DAB1: variants seen among roughly 807,000 people sequenced by gnomAD.
DAB1 encodes DAB adaptor protein 1.
Under a neutral mutation model 64.6 loss-of-function variants are expected in DAB1, and 15 were observed. The ratio of observed to expected loss-of-function variants is 0.23; its 90% CI spans 0.16 to 0.36. DAB1 has a LOEUF of 0.36. DAB1 is among the 10% of genes least tolerant of loss of function. The probability of loss-of-function intolerance (pLI) is 1.00; values close to 1 mark genes in which losing one functional copy is unlikely to be tolerated. For synonymous variants in DAB1, 235 were observed against 251.9 expected (o/e 0.93, Z 0.64); for missense variants, 596 against 706.7 (o/e 0.84, Z 1.78).
chr1:57,779,872 G>C (rs933718072), intron 6 of DAB1, among the ~76,000 whole-genome samples: 1 of 152,102 alleles, frequency 6.6e-6, no homozygotes, highest in African/African-American at 2.4e-5. Context: ...TGGATACTAG[G>C]CTGTGTGCCA....
At chr1:57,012,862 C>G (rs1646307091) in intron 12 of DAB1, among the ~76,000 whole-genome samples, 1 of 152,218 alleles carries the variant, frequency 6.6e-6, no homozygotes, top group East Asian at 1.9e-4. Flanking sequence ...AGGTATACTG[C>G]TCAGACTTAC....
intron 5 of DAB1, among the ~76,000 whole-genome samples, chr1:57,941,006 C>T (rs1645096516): frequency 6.6e-6 from 1 of 152,166 alleles, no homozygotes; most frequent in Admixed American, 6.5e-5. Context: ...CAGTGAGCAT[C>T]TGATTATAGT....
chr1:57,502,403 G>A (rs1473762606), intron 7 of DAB1, among the ~76,000 whole-genome samples: 1 of 151,110 alleles, frequency 6.6e-6, no homozygotes, highest in Non-Finnish European at 1.5e-5. Flanking sequence ...CTTGGCAAAA[G>A]AGTTGAAGCA....
chr1:57,095,153 G>A (rs184407175), intron 4 of DAB1, among the ~76,000 whole-genome samples: 30 of 152,230 alleles, frequency 2.0e-4, no homozygotes, highest in Non-Finnish European at 2.5e-4. Context: ...TGAGTTTACC[G>A]TAGCACAGCA....
chr1:58,155,818 A>G (rs943140855), intron 4 of DAB1, among the ~76,000 whole-genome samples: 2 of 152,238 alleles, frequency 1.3e-5, no homozygotes, highest in African/African-American at 4.8e-5. Context: ...CACGTATTCA[A>G]TAAATGACTT....
chr1:58,449,952 T>C (rs706450), intron 3 of DAB1, among the ~76,000 whole-genome samples: 17,827 of 152,250 alleles, frequency 0.12, 1,676 homozygotes, highest in African/African-American at 0.26. Context: ...GGGGTATTCA[T>C]TGACATATGT....
At chr1:57,852,957 C>A (rs1199325656) in intron 1 of DAB1, among the ~76,000 whole-genome samples, 1 of 152,060 alleles carries the variant, frequency 6.6e-6, no homozygotes, top group African/African-American at 2.4e-5. Flanking sequence ...TGAGTGAATT[C>A]TAATATTTTC....
chr1:58,029,205 T>A (rs1444678411), intron 5 of DAB1, among the ~76,000 whole-genome samples: 1 of 152,164 alleles, frequency 6.6e-6, no homozygotes, highest in Non-Finnish European at 1.5e-5. Flanking sequence ...GTAGCCCTTA[T>A]CCCAGCAAGC....
rs1258370986 is a variant in DAB1 at position 58,334,594 on chromosome 1, A to C, written n.309+8758T>G. On this transcript the variant is annotated intron_variant and non_coding_transcript_variant, in intron 4 of 20. Coordinates refer to the DAB1 transcript ENST00000485760. ...AGAGCCTTTGAGCTATTTATCTTAT[A>C]TTATATTACATTATATTATATTATA... Among the ~76,000 whole-genome samples the C allele has an allele frequency of 5.6e-5, 7 of 123,918 alleles. No homozygotes were observed. The East Asian group carries it at 7.1e-4, about 13-fold the overall frequency. The allele number at this position is 123,918 out of a possible 152,430, so 81.3% of individuals were successfully genotyped here. A position where few individuals can be genotyped will look rare whatever the true frequency, so the allele number is the denominator to read the frequency against.
chr1:57,742,209 G>C (rs11584699), intron 6 of DAB1, among the ~76,000 whole-genome samples: 8,522 of 152,200 alleles, frequency 0.056, 266 homozygotes, highest in Middle Eastern at 0.088. Flanking sequence ...CCTAGGAAAG[G>C]CCTTGGAGAT....
chr1:57,067,626 TA>T (rs777758201), intron 8 of DAB1, among the ~76,000 whole-genome samples: 1 of 152,088 alleles, frequency 6.6e-6, no homozygotes, highest in Non-Finnish European at 1.5e-5. Flanking sequence ...CCTGCTTCTC[TA>T]AAAAAATCAA....
At chr1:57,203,593 G>A (rs746869523) in intron 2 of DAB1, among the ~76,000 whole-genome samples, 22 of 152,302 alleles carry the variant, frequency 1.4e-4, no homozygotes, top group Admixed American at 6.5e-4. Context: ...AACTTACTGT[G>A]GACAAATTGG....
intron 7 of DAB1, among the ~76,000 whole-genome samples, chr1:57,550,011 G>A (rs562451062): frequency 3.4e-4 from 51 of 152,126 alleles, no homozygotes; most frequent in Non-Finnish European, 6.8e-4. Flanking sequence ...AATGAGTTGT[G>A]TCCTCAATGA....
At chr1:57,629,937 A>G (rs1645968410) in intron 7 of DAB1, among the ~76,000 whole-genome samples, 1 of 152,194 alleles carries the variant, frequency 6.6e-6, no homozygotes, top group African/African-American at 2.4e-5. Flanking sequence ...AATGTTCATA[A>G]CATTTCAGAA....
intron 7 of DAB1, among the ~76,000 whole-genome samples, chr1:57,627,238 C>A (rs149394231): frequency 6.6e-4 from 101 of 152,246 alleles, no homozygotes; most frequent in African/African-American, 2.2e-3. Flanking sequence ...ATTATTGGCT[C>A]CCCTGGTTCT....
chr1:57,000,106 C>T (rs772975510), intron 14 of DAB1, among the ~76,000 whole-genome samples: 24 of 145,984 alleles, frequency 1.6e-4, no homozygotes, highest in Non-Finnish European at 3.0e-4. Flanking sequence ...TGCAGTGGCG[C>T]GATGTCGGCT....
chr1:58,253,310 C>A (rs945595885), intron 4 of DAB1, among the ~76,000 whole-genome samples: 1 of 152,180 alleles, frequency 6.6e-6, no homozygotes, highest in Non-Finnish European at 1.5e-5. Flanking sequence ...TCCTGCCAAC[C>A]CCACCACCAC....
chr1:57,486,427 G>A (rs1644092558), intron 7 of DAB1, among the ~76,000 whole-genome samples: 1 of 152,194 alleles, frequency 6.6e-6, no homozygotes, highest in East Asian at 1.9e-4. Flanking sequence ...GGACCCAGAG[G>A]AGGAGAGACT....
At chr1:57,399,044 A>G (rs911359416) in intron 1 of DAB1, among the ~76,000 whole-genome samples, 1 of 152,158 alleles carries the variant, frequency 6.6e-6, no homozygotes, top group African/African-American at 2.4e-5. Context: ...TTTGGTCTGT[A>G]GTTGAAGCTT....
Sources: allele counts gnomAD v4.1 joint callset (sites outside exome capture counted in the v4.1 genomes callset), GRCh38; gene constraint gnomAD v4.1.1; transcripts MANE v1.5; gene names NCBI Gene and HGNC (gene_info 2026-07-23, HGNC 2026-07-21).